The following PPP2R2A variants were observed in gnomAD, a reference collection of about 807,000 sequenced individuals.
The protein encoded by PPP2R2A is serine/threonine-protein phosphatase 2A 55 kDa regulatory subunit B alpha isoform.
A neutral mutation model predicts 53.2 loss-of-function variants in PPP2R2A; 9 were observed. The observed-to-expected ratio is 0.17, with a 90% CI of 0.10 to 0.30. The LOEUF is 0.30. Ranked by LOEUF, PPP2R2A falls within the 10% of genes least tolerant of loss-of-function variation. The pLI, the probability that PPP2R2A is intolerant of heterozygous loss-of-function variation, is 1.00. For missense variants in PPP2R2A, 235 were observed against 534.6 expected (o/e 0.44, Z 5.53); for synonymous variants, 169 against 174.2 (o/e 0.97, Z 0.23).
intron 2 of PPP2R2A, among the ~76,000 whole-genome samples, chr8:26,301,359 G>T (rs189266912): frequency 1.3e-5 from 2 of 148,452 alleles, no homozygotes; most frequent in Non-Finnish European, 1.5e-5. Flanking sequence ...TTGAGACGGG[G>T]TCTTGCTCTG....
chr8:26,334,127 CTAA>C (rs1803529641), intron 2 of PPP2R2A, among the ~76,000 whole-genome samples: 1 of 151,624 alleles, frequency 6.6e-6, no homozygotes, highest in Non-Finnish European at 1.5e-5. Context: ...GGGCAGTGGA[CTAA>C]TGTTCTGAAA....
At chr8:26,326,259 CCTTTG>C (rs1332819055) in intron 2 of PPP2R2A, among the ~76,000 whole-genome samples, 1 of 152,130 alleles carries the variant, frequency 6.6e-6, no homozygotes, top group Admixed American at 6.5e-5. Context: ...TCCAGTTTTC[CCTTTG>C]CTTAGGTTCC....
rs987751070 is a variant in PPP2R2A, at chr8:26,291,560, C to T, written c.-260C>T. The T allele has an allele frequency of 1.9e-6, 1 of 534,164 alleles. No individual in the cohort carries two copies. The highest frequency in any genetic ancestry group is 3.3e-6 in the Non-Finnish European group (1 of 302,102). The allele number at this position is 534,164 out of a possible 1,614,324, so 33.1% of individuals were successfully genotyped here. On this transcript the variant is annotated 5_prime_UTR_variant, in exon 1 of 10. Transcript: ENST00000380737. ...GAGTCGCCTGCCCCTGCCGCTGCCGCCGCCGCCGTCGCTGTCGTAGTCGCC... is the reference window on the plus strand; with the variant it reads ...GAGTCGCCTGCCCCTGCCGCTGCCGTCGCCGCCGTCGCTGTCGTAGTCGCC...
chr8:26,298,504 TCA>T (rs1330073185), intron 2 of PPP2R2A: 1 of 152,254 alleles, frequency 6.6e-6, no homozygotes, highest in Non-Finnish European at 1.5e-5. Flanking sequence ...CGATGTTACA[TCA>T]CACACTATGA....
intron 4 of PPP2R2A, chr8:26,358,977 G>A (rs1190974566): frequency 4.4e-6 from 2 of 455,250 alleles, no homozygotes; most frequent in African/African-American, 4.0e-5. Flanking sequence ...ATTGTATAGT[G>A]GAGAAGCCTG....
intron 1 of PPP2R2A, chr8:26,292,058 G>C: frequency 1.6e-6 from 2 of 1,254,986 alleles, no homozygotes; most frequent in Non-Finnish European, 2.0e-6. Context: ...GCGGGGGTGG[G>C]GGTGGGGTGT....
chr8:26,326,706 G>T (rs983520245), intron 2 of PPP2R2A, among the ~76,000 whole-genome samples: 12 of 152,262 alleles, frequency 7.9e-5, no homozygotes, highest in Non-Finnish European at 1.8e-4. Context: ...TCCTTGAGAA[G>T]CTATTTACAT....
intron 2 of PPP2R2A, among the ~76,000 whole-genome samples, chr8:26,310,862 T>C (rs1244965787): frequency 6.6e-6 from 1 of 152,154 alleles, no homozygotes; most frequent in Non-Finnish European, 1.5e-5. Flanking sequence ...TTGGAGCCTT[T>C]TTGTGTTCTT....
At chr8:26,324,062 A>C (rs555292364) in intron 2 of PPP2R2A, among the ~76,000 whole-genome samples, 3 of 152,208 alleles carry the variant, frequency 2.0e-5, no homozygotes, top group Admixed American at 1.3e-4. Flanking sequence ...TACAGAGTCT[A>C]CATTAATCTC....
rs867394669 is a variant in PPP2R2A, at chr8:26,338,783, A to G, written c.83-107A>G. On this transcript the variant is annotated intron_variant, in intron 2 of 9. Coordinates refer to ENST00000380737, the MANE Select transcript of PPP2R2A (RefSeq NM_002717.4). This position sits in a 1 kb window ranked among gnomAD's most constrained non-coding sequence, Gnocchi z 4.5. Reference sequence around the variant, plus strand: ...GATGGGTGGTTGATGTACTTCAAAGATATACTTCATAGACTTGGAATGTTT... The same window carrying G: ...GATGGGTGGTTGATGTACTTCAAAGGTATACTTCATAGACTTGGAATGTTT... 1 of 657,202 alleles carries G rather than the reference A, an allele frequency of 1.5e-6. No homozygotes were observed. 40.7% of individuals were successfully genotyped at this position (657,202 alleles called of 1,614,324 possible).
chr8:26,328,650 TA>T (rs1277964563), intron 2 of PPP2R2A, among the ~76,000 whole-genome samples: 1 of 152,222 alleles, frequency 6.6e-6, no homozygotes, highest in African/African-American at 2.4e-5. Context: ...TGTAACATTT[TA>T]AAAACTCGGT....
At chr8:26,296,907 A>G (rs1447780498) in intron 2 of PPP2R2A, among the ~76,000 whole-genome samples, 1 of 152,298 alleles carries the variant, frequency 6.6e-6, no homozygotes, top group East Asian at 1.9e-4. Flanking sequence ...GATGTTATAC[A>G]ACCGTATAAT....
intron 4 of PPP2R2A, among the ~76,000 whole-genome samples, chr8:26,358,136 A>G: frequency 6.6e-6 from 1 of 152,172 alleles, no homozygotes; most frequent in South Asian, 2.1e-4. Flanking sequence ...GTGTTAAGGA[A>G]AAAACATTTT....
At chr8:26,295,917 C>G (rs139439419) in intron 2 of PPP2R2A, among the ~76,000 whole-genome samples, 8 of 152,092 alleles carry the variant, frequency 5.3e-5, no homozygotes, top group Admixed American at 3.3e-4. Context: ...TCCCCACCCC[C>G]CTACCTTTAG....
At chr8:26,346,241 A>G (rs1343415665) in intron 3 of PPP2R2A, among the ~76,000 whole-genome samples, 1 of 151,878 alleles carries the variant, frequency 6.6e-6, no homozygotes, top group Non-Finnish European at 1.5e-5. Flanking sequence ...CCCAGGTTCA[A>G]GTCATCCTTA....
At chr8:26,329,354 C>T (rs1803253051) in intron 2 of PPP2R2A, among the ~76,000 whole-genome samples, 1 of 152,026 alleles carries the variant, frequency 6.6e-6, no homozygotes, top group Non-Finnish European at 1.5e-5. Flanking sequence ...TCCCAGCTCC[C>T]ATCACTGTTC....
chr8:26,331,324 T>C (rs1803366074), intron 2 of PPP2R2A, among the ~76,000 whole-genome samples: 1 of 152,226 alleles, frequency 6.6e-6, no homozygotes, highest in South Asian at 2.1e-4. Context: ...TTCTAATCTT[T>C]CACAGCAGGA....
At chr8:26,299,242 A>G (rs944263725) in intron 2 of PPP2R2A, among the ~76,000 whole-genome samples, 1 of 148,832 alleles carries the variant, frequency 6.7e-6, no homozygotes, top group Non-Finnish European at 1.5e-5. Flanking sequence ...AGCCTGGACA[A>G]TAGAGTAAGA....
chr8:26,327,111 G>A (rs991918026), intron 2 of PPP2R2A, among the ~76,000 whole-genome samples: 2 of 152,188 alleles, frequency 1.3e-5, no homozygotes, highest in African/African-American at 4.8e-5. Flanking sequence ...TCAGCCCTTG[G>A]AAGCGGGTGC....
Sources: allele counts gnomAD v4.1 joint callset (sites outside exome capture counted in the v4.1 genomes callset), GRCh38; gene constraint gnomAD v4.1.1; non-coding constraint Gnocchi (gnomAD v3.1); transcripts MANE v1.5; gene names NCBI Gene and HGNC (gene_info 2026-07-23, HGNC 2026-07-21).